The following CHRAC1 variants were observed in gnomAD, a reference collection of about 807,000 sequenced individuals.
CHRAC1 encodes chromatin accessibility complex protein 1.
In CHRAC1, 6 loss-of-function variants were observed where a neutral mutation model predicts 9.1. The ratio of observed to expected loss-of-function variants is 0.66; its 90% CI spans 0.36 to 1.29. The LOEUF (loss-of-function observed/expected upper bound fraction) is 1.29. Among genes scored for constraint, CHRAC1 ranks in the 50% most tolerant of loss-of-function variants. The probability of loss-of-function intolerance (pLI) is 0.03; values close to 1 mark genes in which losing one functional copy is unlikely to be tolerated. For synonymous variants in CHRAC1, 73 were observed against 64.5 expected, an observed-to-expected ratio of 1.13 and a Z score of -0.63; for missense variants, 168 against 163.5, an observed-to-expected ratio of 1.03 and a Z score of -0.15.
At chr8:140,513,913 C>CTTT (rs57880666) in intron 1 of CHRAC1, among the ~76,000 whole-genome samples, 2,731 of 87,306 alleles carry the variant, frequency 0.031, 231 homozygotes, top group African/African-American at 0.061. Context: ...CCAGTGATTT[C>CTTT]TTTTTTTTTT....
In CHRAC1 at chr8:140,511,652, G is replaced by A; in HGVS notation, c.147+6G>A. The A allele has an allele frequency of 2.1e-6, 3 of 1,397,356 alleles. No homozygotes were observed. The highest frequency in any genetic ancestry group is 1.9e-6 in the Non-Finnish European group (2 of 1,068,902). The allele number at this position is 1,397,356 out of a possible 1,614,324, so 86.6% of individuals were successfully genotyped here. Reference sequence around the variant, plus strand: ...TGCTCACGGCCAAGGCCACGGTGAGGGGGCAGGGCGGGGGTGTGGGCCGCC... The same window carrying A: ...TGCTCACGGCCAAGGCCACGGTGAGAGGGCAGGGCGGGGGTGTGGGCCGCC... On this transcript the variant is annotated splice_donor_region_variant and intron_variant, in intron 1 of 2. Transcript: ENST00000220913.
chr8:140,515,528 C>T lies in CHRAC1; in HGVS notation c.*281C>T. ...AAACAGCCGATACTGGCAGCCATTG[C>T]AGCTCCAAACTGCAGAGGCAAGGCC... On this transcript the variant is annotated 3_prime_UTR_variant, in exon 3 of 3. Transcript: ENST00000220913. The T allele has an allele frequency of 3.9e-6, 1 of 256,082 alleles. No homozygotes were observed. The highest frequency in any genetic ancestry group is 7.4e-6 in the Non-Finnish European group (1 of 135,334). 15.9% of individuals were successfully genotyped at this position (256,082 alleles called of 1,614,324 possible). A position where few individuals can be genotyped will look rare whatever the true frequency, so the allele number is the denominator to read the frequency against.
At position 140,511,508 on chromosome 8, in the gene CHRAC1, C is replaced by A. The variant is rs367701294; in HGVS notation, c.9C>A (p.Asp3Glu). The A allele has an allele frequency of 3.0e-6, 4 of 1,339,918 alleles. No homozygotes were observed. In the African/African-American group the frequency reaches 6.1e-5, roughly 21 times the overall value. The allele number at this position is 1,339,918 out of a possible 1,614,324, so 83.0% of individuals were successfully genotyped here. ...GCGCGACGGGCGGGAAGATGGCGGACGTGGTCGTGGGTAAAGACAAGGGCG... is the reference window on the plus strand; with the variant it reads ...GCGCGACGGGCGGGAAGATGGCGGAAGTGGTCGTGGGTAAAGACAAGGGCG... MA[D>E]VVVGKDKGGE... Residue 3 changes from aspartate (D) to glutamate (E), a missense_variant, in exon 1 of 3, where the codon GAC (aspartate) becomes GAA (glutamate). By Grantham distance (45) the Asp-to-Glu change is conservative. Coordinates refer to ENST00000220913, the MANE Select transcript of CHRAC1 (RefSeq NM_017444.6).
intron 1 of CHRAC1, 172 bp from the exon 2 acceptor site, chr8:140,514,197 C>G: frequency 1.6e-6 from 1 of 645,114 alleles, no homozygotes. Flanking sequence ...TGAGCCACCA[C>G]GCCTGGCCTC....
chr8:140,515,214 T>C lies in CHRAC1; in HGVS notation c.363T>C (p.Asp121=). Residue 121 remains aspartate, a synonymous_variant, in exon 3 of 3, where the codon GAT becomes GAC. Transcript: ENST00000220913. ...KREEDEENDN[D]NESDHDEADS Reference sequence around the variant, plus strand: ...AAGAAGATGAGGAGAATGACAATGATAATGAAAGTGACCATGATGAAGCTG... The same window carrying C: ...AAGAAGATGAGGAGAATGACAATGACAATGAAAGTGACCATGATGAAGCTG... 6.2e-7 allele frequency: 1 copy of C among 1,614,082 alleles called. No homozygotes were observed. The highest frequency in any genetic ancestry group is 8.5e-7 in the Non-Finnish European group (1 of 1,179,984).
chr8:140,511,599 G>T lies in CHRAC1; in HGVS notation c.100G>T (p.Val34Leu). The T allele has an allele frequency of 6.7e-7, 1 of 1,490,688 alleles. No homozygotes were observed. The highest frequency in any genetic ancestry group is 1.4e-5 in the African/African-American group (1 of 69,308). 92.3% of individuals were successfully genotyped at this position (1,490,688 alleles called of 1,614,324 possible). ...IRVIMKSSPE[V>L]SSINQEALVL... is the part of the protein sequence containing the mutation. ...GGTCATCATGAAGAGCTCCCCCGAG[G>T]TGTCCAGCATCAACCAGGAGGCGTT... The change falls in exon 1 of 3, where the codon GTG becomes TTG. Residue 34 changes from valine to leucine, a missense_variant. Physicochemically the swap from Val to Leu is conservative, Grantham distance 32. Coordinates refer to ENST00000220913, the MANE Select transcript of CHRAC1 (RefSeq NM_017444.6).
Position 140,515,210 on chromosome 8 carries a change from A to G in CHRAC1, c.359A>G (p.Asn120Ser), listed in dbSNP as rs2072320905. The G allele has an allele frequency of 2.5e-6, 4 of 1,614,012 alleles. No individual in the cohort carries two copies. The highest frequency in any genetic ancestry group is 2.2e-5 in the South Asian group (2 of 91,080). The change falls in exon 3 of 3, where the codon AAT becomes AGT. Residue 120 changes from asparagine to serine, a missense_variant. Coordinates refer to ENST00000220913, the MANE Select transcript of CHRAC1 (RefSeq NM_017444.6). ...AGGGAAGAAGATGAGGAGAATGACA[A>G]TGATAATGAAAGTGACCATGATGAA... ...EKREEDEEND[N>S]DNESDHDEAD...
chr8:140,514,347 T>C (rs1193439865), intron 1 of CHRAC1, 22 bp from the exon 2 acceptor site: 1 of 1,566,614 alleles, frequency 6.4e-7, no homozygotes, highest in African/African-American at 1.4e-5. Context: ...ACCTTTCATT[T>C]GCATTTTTCA....
intron 1 of CHRAC1, among the ~76,000 whole-genome samples, chr8:140,513,105 A>G (rs1431152331): frequency 6.6e-6 from 1 of 152,210 alleles, no homozygotes; most frequent in Non-Finnish European, 1.5e-5. Flanking sequence ...GGCGTGAACC[A>G]TCACGCCCGT....
chr8:140,511,801 C>G (rs2072278161), intron 1 of CHRAC1, 155 bp downstream of exon 1: 1 of 816,256 alleles, frequency 1.2e-6, no homozygotes, highest in East Asian at 4.5e-5. Flanking sequence ...CGCCGGCGCG[C>G]GCTTCGGTGC....
chr8:140,512,181 C>T (rs13439063), intron 1 of CHRAC1, among the ~76,000 whole-genome samples: 1,589 of 152,272 alleles, frequency 0.01, 34 homozygotes, highest in African/African-American at 0.036. Context: ...CTTTCACCCG[C>T]GACTCCCTAC....
rs753347508 is a variant in CHRAC1 at position 140,515,422 on chromosome 8, A to G, written c.*175A>G. ...CCGAGATTGAGCACCTCATGTACCT[A>G]CGCCACAGACAGCCAGAGGGAAAGC... On this transcript the variant is annotated 3_prime_UTR_variant, in exon 3 of 3. Coordinates refer to ENST00000220913, the MANE Select transcript of CHRAC1 (RefSeq NM_017444.6). The G allele has an allele frequency of 3.7e-6, 2 of 541,352 alleles. No individual in the cohort carries two copies. Among genetic ancestry groups the G allele is most frequent in the Non-Finnish European group, 6.1e-6 (2 of 330,422 alleles). The allele number at this position is 541,352 out of a possible 1,614,324, so 33.5% of individuals were successfully genotyped here.
At chr8:140,514,192 C>A in intron 1 of CHRAC1, 177 bp from the exon 2 acceptor site, 1 of 592,392 alleles carries the variant, frequency 1.7e-6, no homozygotes, top group Non-Finnish European at 2.6e-6. Flanking sequence ...CAGCGTGAGC[C>A]ACCACGCCTG....
chr8:140,512,128 C>A, intron 1 of CHRAC1: 1 of 797,348 alleles, frequency 1.3e-6, no homozygotes, highest in Non-Finnish European at 1.8e-6. Flanking sequence ...CCGTGGGCGT[C>A]GGCGCCTAGT....
Position 140,517,068 on chromosome 8 carries a change from C to T in CHRAC1, c.*1821C>T, listed in dbSNP as rs190763673. On this transcript the variant is annotated 3_prime_UTR_variant, in exon 3 of 3. Transcript: ENST00000220913. ...TGAGTTTTGTGTAATTTTCATGTGT[C>T]ATGAAATACTGTTTTCTCCAACCAT... 1 of 152,194 alleles carries T rather than the reference C, an allele frequency of 6.6e-6. No homozygotes were observed. Among genetic ancestry groups the T allele is most frequent in the East Asian group, 1.9e-4 (1 of 5,204 alleles). The allele number at this position is 152,194 out of a possible 1,614,324, so 9.4% of individuals were successfully genotyped here. A position where few individuals can be genotyped will look rare whatever the true frequency, so the allele number is the denominator to read the frequency against.
Position 140,511,446 on chromosome 8 carries a change from G to T in CHRAC1, c.-54G>T. 1 of 1,283,792 alleles carries T rather than the reference G, an allele frequency of 7.8e-7. No homozygotes were observed. The highest frequency in any genetic ancestry group is 1.0e-6 in the Non-Finnish European group (1 of 1,003,420). 79.5% of individuals were successfully genotyped at this position (1,283,792 alleles called of 1,614,324 possible). Reference sequence around the variant, plus strand: ...ACCCACCAGCTGGCCGGGCAGGGCAGCCACTTCGCGGTCGGGCCCGCCGGC... The same window carrying T: ...ACCCACCAGCTGGCCGGGCAGGGCATCCACTTCGCGGTCGGGCCCGCCGGC... On this transcript the variant is annotated 5_prime_UTR_variant, in exon 1 of 3. Coordinates refer to ENST00000220913, the MANE Select transcript of CHRAC1 (RefSeq NM_017444.6).
chr8:140,515,487 A>G lies in CHRAC1; in HGVS notation c.*240A>G. 3.1e-6 allele frequency: 1 copy of G among 319,600 alleles called. No individual in the cohort carries two copies. The highest frequency in any genetic ancestry group is 5.7e-6 in the Non-Finnish European group (1 of 175,636). The allele number at this position is 319,600 out of a possible 1,614,324, so 19.8% of individuals were successfully genotyped here. A position where few individuals can be genotyped will look rare whatever the true frequency, so the allele number is the denominator to read the frequency against. ...CCCCTCCTCGACAGGCCCACCCTGC[A>G]GCTCAGGCACCAAGAAAACAGCCGA... On this transcript the variant is annotated 3_prime_UTR_variant, in exon 3 of 3. Transcript: ENST00000220913.
At position 140,511,651 on chromosome 8, in the gene CHRAC1, G is replaced by T. The variant is rs2072275860; in HGVS notation, c.147+5G>T. ...GTGCTCACGGCCAAGGCCACGGTGA[G>T]GGGGCAGGGCGGGGGTGTGGGCCGC... On this transcript the variant is annotated splice_donor_5th_base_variant and intron_variant, in intron 1 of 2. Transcript: ENST00000220913. The T allele has an allele frequency of 1.4e-6, 2 of 1,407,208 alleles. No homozygotes were observed. The highest frequency in any genetic ancestry group is 1.9e-6 in the Non-Finnish European group (2 of 1,073,766). The allele number at this position is 1,407,208 out of a possible 1,614,324, so 87.2% of individuals were successfully genotyped here.
chr8:140,514,660 CTGTT>C (rs1412983149), intron 2 of CHRAC1, 165 bp downstream of exon 2: 1 of 531,704 alleles, frequency 1.9e-6, no homozygotes, highest in African/African-American at 2.0e-5. Context: ...TTAGTCTTCT[CTGTT>C]TGAATGTGTT....
Sources: allele counts gnomAD v4.1 joint callset (sites outside exome capture counted in the v4.1 genomes callset), GRCh38; gene constraint gnomAD v4.1.1; transcripts MANE v1.5; gene names NCBI Gene and HGNC (gene_info 2026-07-23, HGNC 2026-07-21).